SLC7A11: variants seen among roughly 807,000 people sequenced by gnomAD.
SLC7A11 encodes solute carrier family 7 member 11, also known as cystine/glutamate transporter.
In SLC7A11, 35 loss-of-function variants were observed where a neutral mutation model predicts 54.5. That is an observed-to-expected ratio of 0.64 (90% CI 0.49 to 0.85). The LOEUF (loss-of-function observed/expected upper bound fraction) is 0.85. SLC7A11 is among the 40% of genes least tolerant of loss of function. SLC7A11 has a pLI of 0.00. For synonymous variants in SLC7A11, 230 were observed against 225.2 expected (o/e 1.02, Z -0.19); for missense variants, 583 against 618.1 (o/e 0.94, Z 0.60).
chr4:138,215,621 T>A (rs1359543169), intron 5 of SLC7A11, among the ~76,000 whole-genome samples: 3 of 152,120 alleles, frequency 2.0e-5, no homozygotes, highest in Admixed American at 6.6e-5. Context: ...AGAAAATAAG[T>A]TTCTATAAAT....
At chr4:138,193,362 C>T (rs1737057618) in intron 6 of SLC7A11, among the ~76,000 whole-genome samples, 1 of 152,188 alleles carries the variant, frequency 6.6e-6, no homozygotes, top group African/African-American at 2.4e-5. Context: ...TGAGTCCTCT[C>T]TTACTAGTTT....
chr4:138,234,021 C>G (rs1171984807), intron 2 of SLC7A11, among the ~76,000 whole-genome samples: 1 of 152,178 alleles, frequency 6.6e-6, no homozygotes, highest in South Asian at 2.1e-4. Context: ...AGCCCTTGGC[C>G]TGTCTTCCAC....
At position 138,169,088 on chromosome 4, in the gene SLC7A11, GT is replaced by G. The variant is rs1331479923; in HGVS notation, c.*2867del. The G allele has an allele frequency of 6.6e-6, 1 of 151,940 alleles. No homozygotes were observed. The highest frequency in any genetic ancestry group is 2.4e-5 in the African/African-American group (1 of 41,392). The allele number at this position is 151,940 out of a possible 1,614,324, so 9.4% of individuals were successfully genotyped here. On this transcript the variant is annotated 3_prime_UTR_variant, in exon 12 of 12. Coordinates refer to ENST00000280612, the MANE Select transcript of SLC7A11 (RefSeq NM_014331.4). Reference sequence around the variant, plus strand: ...TTAAACAGTATTCATTACTTTTACTGTTTATGTTATAATAAACTTATGTATA... The same window carrying G: ...TTAAACAGTATTCATTACTTTTACTGTTATGTTATAATAAACTTATGTATA...
rs138629758 is a variant in SLC7A11, at chr4:138,224,815, A to AAAGGAAGGAAGGAAGGAAGGAAGG, written c.521-1515_521-1492dup. Among the ~76,000 whole-genome samples, 312 of 135,944 alleles carry AAAGGAAGGAAGGAAGGAAGGAAGG rather than the reference A, an allele frequency of 2.3e-3. 2 individuals are homozygous for AAAGGAAGGAAGGAAGGAAGGAAGG. The highest frequency in any genetic ancestry group is 3.6e-3 in the Non-Finnish European group (230 of 63,238). 89.2% of individuals were successfully genotyped at this position (135,944 alleles called of 152,430 possible). On this transcript the variant is annotated intron_variant, in intron 3 of 11. Transcript: ENST00000280612. ...GAAGGAAAAGAAGGAAGGAAGGATG[A>AAAGGAAGGAAGGAAGGAAGGAAGG]AAGGAAGGAAGGAAGGAAGGAAGGA...
chr4:138,179,479 T>C (rs1736666387), intron 10 of SLC7A11, 85 bp from the exon 11 acceptor site: 5 of 1,160,228 alleles, frequency 4.3e-6, no homozygotes, highest in Non-Finnish European at 6.2e-6. Flanking sequence ...AGTCATGACA[T>C]ATACTTTAGT....
At chr4:138,235,497 T>C (rs1738185366) in intron 2 of SLC7A11, among the ~76,000 whole-genome samples, 2 of 152,104 alleles carry the variant, frequency 1.3e-5, no homozygotes, top group Non-Finnish European at 2.9e-5. Flanking sequence ...CCATAAAAGC[T>C]CACATGAACT....
intron 1 of SLC7A11, among the ~76,000 whole-genome samples, chr4:138,238,883 A>G (rs905037674): frequency 6.6e-6 from 1 of 152,190 alleles, no homozygotes; most frequent in Non-Finnish European, 1.5e-5. Flanking sequence ...GATTATAGGC[A>G]TGAGCCACCA....
Position 138,182,288 on chromosome 4 carries a change from A to T in SLC7A11, c.1116+9T>A. ...GTTATATCTAGATATACTTGTTAATATGCATTACCAAAACAATAACAGCTG... is the reference window on the plus strand; with the variant it reads ...GTTATATCTAGATATACTTGTTAATTTGCATTACCAAAACAATAACAGCTG... On this transcript the variant is annotated intron_variant, in intron 9 of 11. Coordinates refer to ENST00000280612, the MANE Select transcript of SLC7A11 (RefSeq NM_014331.4). 2.0e-6 allele frequency: 3 copies of T among 1,527,652 alleles called. No homozygotes were observed. The highest frequency in any genetic ancestry group is 2.7e-6 in the Non-Finnish European group (3 of 1,101,696). The allele number at this position is 1,527,652 out of a possible 1,614,324, so 94.6% of individuals were successfully genotyped here.
intron 4 of SLC7A11, among the ~76,000 whole-genome samples, chr4:138,220,380 A>G (rs1006857463): frequency 6.6e-6 from 1 of 152,142 alleles, no homozygotes; most frequent in Non-Finnish European, 1.5e-5. Flanking sequence ...TAGCTTGAAA[A>G]ATTGAAAATA....
At chr4:138,201,080 T>A (rs949257516) in intron 6 of SLC7A11, among the ~76,000 whole-genome samples, 24 of 152,222 alleles carry the variant, frequency 1.6e-4, no homozygotes, top group Non-Finnish European at 3.2e-4. Flanking sequence ...CAAGGGGCAG[T>A]CTCCCAGGAC....
At chr4:138,195,132 G>A (rs1357582956) in intron 6 of SLC7A11, among the ~76,000 whole-genome samples, 1 of 152,106 alleles carries the variant, frequency 6.6e-6, no homozygotes, top group East Asian at 1.9e-4. Flanking sequence ...GAAAAATAAT[G>A]ATCATTACAG....
At chr4:138,191,053 A>G (rs1560722817) in intron 6 of SLC7A11, among the ~76,000 whole-genome samples, 1 of 152,200 alleles carries the variant, frequency 6.6e-6, no homozygotes, top group East Asian at 1.9e-4. Context: ...CATAGCACAT[A>G]GTTGCAGGGA....
chr4:138,179,237 C>T lies in SLC7A11; in HGVS notation c.1424G>A (p.Arg475Lys), dbSNP rs751677780. 5.6e-6 allele frequency: 9 copies of T among 1,610,170 alleles called. No individual in the cohort carries two copies. The highest frequency in any genetic ancestry group is 7.6e-6 in the Non-Finnish European group (9 of 1,177,104). The change falls in exon 11 of 12, where the codon AGG (arginine) becomes AAG (lysine). Residue 475 changes from arginine (R) to lysine (K), a missense_variant. Physicochemically the swap from Arg to Lys is conservative, Grantham distance 26. Coordinates refer to ENST00000280612, the MANE Select transcript of SLC7A11 (RefSeq NM_014331.4). ...CTTACCCGACATTATTCTAAACCAC[C>T]TGGGTTTCTTGTCCCATATAATAAA... ...YLFIIWDKKP[R>K]WFRIMSEKIT...
chr4:138,199,988 T>C (rs1737239573), intron 6 of SLC7A11, among the ~76,000 whole-genome samples: 1 of 152,092 alleles, frequency 6.6e-6, no homozygotes, highest in Admixed American at 6.6e-5. Context: ...TTAACCTTTT[T>C]CCACAAGACC....
intron 2 of SLC7A11, 101 bp downstream of exon 2, chr4:138,236,224 G>C: frequency 1.1e-6 from 1 of 918,276 alleles, no homozygotes. Flanking sequence ...TTATCATGTA[G>C]TCACATGACA....
rs963129445 is a variant in SLC7A11, at chr4:138,164,284, A to G, written c.*7672T>C. On this transcript the variant is annotated 3_prime_UTR_variant, in exon 12 of 12. Transcript: ENST00000280612. ...CATATTGCACCAAAATTTATTCCATACAAAAGCACATGCATCAAGAGTTTC... is the reference window on the plus strand; with the variant it reads ...CATATTGCACCAAAATTTATTCCATGCAAAAGCACATGCATCAAGAGTTTC... 6 of 152,182 alleles carry G rather than the reference A, an allele frequency of 3.9e-5. No individual in the cohort carries two copies. The highest frequency in any genetic ancestry group is 1.4e-4 in the African/African-American group (6 of 41,454). The allele number at this position is 152,182 out of a possible 1,614,324, so 9.4% of individuals were successfully genotyped here.
chr4:138,233,011 T>A (rs1738118044), intron 2 of SLC7A11, among the ~76,000 whole-genome samples: 1 of 151,910 alleles, frequency 6.6e-6, no homozygotes. Context: ...AAAATATAAA[T>A]GAGACAAGAA....
At chr4:138,229,780 C>A (rs1738030633) in intron 3 of SLC7A11, among the ~76,000 whole-genome samples, 1 of 152,140 alleles carries the variant, frequency 6.6e-6, no homozygotes, top group South Asian at 2.1e-4. Context: ...CATTAGTATT[C>A]ATATAAGTTT....
rs1353913618 is a variant in SLC7A11 at position 138,241,856 on chromosome 4, T to C, written c.214A>G (p.Asn72Asp). 1 of 1,614,002 alleles carries C rather than the reference T, an allele frequency of 6.2e-7. No homozygotes were observed. Among genetic ancestry groups the C allele is most frequent in the Non-Finnish European group, 8.5e-7 (1 of 1,180,022 alleles). Residue 72 changes from asparagine to aspartate, a missense_variant, in exon 1 of 12, where the codon AAC becomes GAC. Physicochemically the swap from Asn to Asp is conservative, Grantham distance 23. Coordinates refer to ENST00000280612, the MANE Select transcript of SLC7A11 (RefSeq NM_014331.4). The stretch of plus-strand genomic sequence containing the variant: ...AGAGACATGCCCACGCTGCCCGTGT[T>C]CTGGAGCACGCCCTTAGGAGAGATG... ...IFISPKGVLQ[N>D]TGSVGMSLTI...
Sources: allele counts gnomAD v4.1 joint callset (sites outside exome capture counted in the v4.1 genomes callset), GRCh38; gene constraint gnomAD v4.1.1; transcripts MANE v1.5; gene names NCBI Gene and HGNC (gene_info 2026-07-23, HGNC 2026-07-21).